The following KIAA1958 variants were observed in gnomAD, a reference collection of about 807,000 sequenced individuals.
The protein encoded by KIAA1958 is KIAA1958, also known as uncharacterized protein KIAA1958.
Under a neutral mutation model 47.2 loss-of-function variants are expected in KIAA1958, and 14 were observed. That is an observed-to-expected ratio of 0.30 (90% confidence interval 0.20 to 0.46). The LOEUF (loss-of-function observed/expected upper bound fraction) is 0.46, where lower values mean the gene tolerates loss of function less well. KIAA1958 is among the 20% of genes least tolerant of loss of function. KIAA1958 has a pLI of 1.00. For synonymous variants in KIAA1958, 354 were observed against 353.3 expected (o/e 1.00, Z -0.02); for missense variants, 803 against 909.2 (o/e 0.88, Z 1.50).
intron 1 of KIAA1958, among the ~76,000 whole-genome samples, chr9:112,519,727 T>C (rs7022034): frequency 0.95 from 144,878 of 152,314 alleles, 68,962 homozygotes; most frequent in South Asian, 0.98. Context: ...CAGATACATA[T>C]GATTGCTGCA....
At chr9:112,624,470 A>T (rs1285372523) in intron 2 of KIAA1958, among the ~76,000 whole-genome samples, 1 of 152,206 alleles carries the variant, frequency 6.6e-6, no homozygotes, top group Non-Finnish European at 1.5e-5. Flanking sequence ...ATAGAACTGG[A>T]ATAAAGAAAT....
rs561504834 is a variant in KIAA1958 at position 112,604,278 on chromosome 9, C to T, written c.1171+29027C>T. ...TACAGAAAAGCTGTCTGGATAAAAA[C>T]TTAACTCAGGCTATCCTGAGCCAGT... On this transcript the variant is annotated intron_variant, in intron 2 of 3. Transcript: ENST00000337530. Among the ~76,000 whole-genome samples the T allele has an allele frequency of 1.3e-3, 202 of 152,296 alleles. 1 individual carries two copies. Among genetic ancestry groups the T allele is most frequent in the Non-Finnish European group, 2.7e-3 (186 of 68,020 alleles).
chr9:112,543,567 C>CTTTTTTTTTTTTTT (rs138422704), intron 1 of KIAA1958, among the ~76,000 whole-genome samples: 16 of 108,176 alleles, frequency 1.5e-4, no homozygotes, highest in African/African-American at 5.7e-4. Flanking sequence ...TTCTGAGCTT[C>CTTTTTTTTTTTTTT]TTTTTTTTTT....
intron 2 of KIAA1958, among the ~76,000 whole-genome samples, chr9:112,584,587 C>T (rs1051502887): frequency 2.6e-5 from 4 of 152,130 alleles, no homozygotes; most frequent in Admixed American, 2.0e-4. Flanking sequence ...TATGGGTTTT[C>T]TCCTTATGAT....
rs764920216 is a variant in KIAA1958 at position 112,659,880 on chromosome 9, G to T, written c.1962G>T (p.Leu654=). The T allele has an allele frequency of 7.4e-6, 12 of 1,614,130 alleles. No individual in the cohort carries two copies. Among genetic ancestry groups the T allele is most frequent in the Middle Eastern group, 3.3e-4 (2 of 6,062 alleles). Residue 654 remains leucine, a synonymous_variant, in exon 4 of 4, where the codon CTG becomes CTT. Transcript: ENST00000337530. ...TGGAGGCCAAGTCCCCCTTCTACCT[G>T]ACTGCCAGGAAGGAGGCCACAGACA... ...TQMEAKSPFY[L]TARKEATDMG...
chr9:112,494,554 A>G (rs1834020809), intron 1 of KIAA1958, among the ~76,000 whole-genome samples: 1 of 151,356 alleles, frequency 6.6e-6, no homozygotes, highest in South Asian at 2.1e-4. Flanking sequence ...CAGCAGTGTC[A>G]ACGTCTCTGG....
intron 1 of KIAA1958, among the ~76,000 whole-genome samples, chr9:112,520,492 A>G (rs1164875302): frequency 6.6e-6 from 1 of 152,212 alleles, no homozygotes; most frequent in Non-Finnish European, 1.5e-5. Context: ...GAGCTGTGGT[A>G]TTCTGTATAA....
chr9:112,607,279 C>T (rs1335230649), intron 2 of KIAA1958, among the ~76,000 whole-genome samples: 3 of 151,836 alleles, frequency 2.0e-5, no homozygotes, highest in African/African-American at 2.4e-5. Context: ...ATCGCTTGAA[C>T]CCAGGATAGC....
intron 1 of KIAA1958, among the ~76,000 whole-genome samples, chr9:112,502,003 T>A (rs1834150119): frequency 6.6e-6 from 1 of 152,150 alleles, no homozygotes; most frequent in African/African-American, 2.4e-5. Context: ...TCCATGATAA[T>A]CACACACAAA....
chr9:112,594,520 T>G (rs1029355015), intron 2 of KIAA1958, among the ~76,000 whole-genome samples: 2 of 152,250 alleles, frequency 1.3e-5, no homozygotes, highest in African/African-American at 2.4e-5. Context: ...TAGCATAATG[T>G]TTCAAGATAT....
chr9:112,563,253 T>A (rs2131161613), intron 1 of KIAA1958, among the ~76,000 whole-genome samples: 1 of 152,172 alleles, frequency 6.6e-6, no homozygotes, highest in East Asian at 1.9e-4. Context: ...AAGTCTGAAG[T>A]CTTTAACGTG....
intron 2 of KIAA1958, among the ~76,000 whole-genome samples, chr9:112,606,900 G>A (rs1434377687): frequency 6.6e-6 from 1 of 152,164 alleles, no homozygotes; most frequent in Non-Finnish European, 1.5e-5. Flanking sequence ...TCAGAATTCT[G>A]GCTTTGAGAA....
At chr9:112,602,769 C>A (rs115503546) in intron 2 of KIAA1958, among the ~76,000 whole-genome samples, 2,597 of 152,224 alleles carry the variant, frequency 0.017, 67 homozygotes, top group African/African-American at 0.058. Flanking sequence ...CACCACCTTC[C>A]CTGACTCTCT....
At chr9:112,636,670 G>T (rs1054655647) in intron 2 of KIAA1958, among the ~76,000 whole-genome samples, 1 of 152,032 alleles carries the variant, frequency 6.6e-6, no homozygotes, top group Non-Finnish European at 1.5e-5. Context: ...TTGTCTGTTA[G>T]TATATAGGTA....
At chr9:112,597,707 G>A in intron 2 of KIAA1958, among the ~76,000 whole-genome samples, 1 of 152,168 alleles carries the variant, frequency 6.6e-6, no homozygotes, top group South Asian at 2.1e-4. Context: ...TTAAAACAAT[G>A]CCTACCATGT....
chr9:112,510,602 T>A (rs1834310790), intron 1 of KIAA1958, among the ~76,000 whole-genome samples: 1 of 152,210 alleles, frequency 6.6e-6, no homozygotes. Flanking sequence ...CTGTCTCTTC[T>A]GTTTTCATTA....
At chr9:112,644,685 G>A (rs1836947894) in intron 2 of KIAA1958, among the ~76,000 whole-genome samples, 1 of 152,136 alleles carries the variant, frequency 6.6e-6, no homozygotes, top group South Asian at 2.1e-4. Flanking sequence ...CCTTTCCTCT[G>A]AGGAGATGTG....
intron 1 of KIAA1958, among the ~76,000 whole-genome samples, chr9:112,507,676 A>G (rs936652316): frequency 6.6e-6 from 1 of 152,102 alleles, no homozygotes. Flanking sequence ...TCGAATGGGA[A>G]TTTTTGTTTT....
At chr9:112,642,135 A>G (rs1046412318) in intron 2 of KIAA1958, among the ~76,000 whole-genome samples, 24 of 152,162 alleles carry the variant, frequency 1.6e-4, no homozygotes, top group East Asian at 1.9e-4. Context: ...TTCCTTAGCT[A>G]TTGCTAAAGG....
Sources: allele counts gnomAD v4.1 joint callset (sites outside exome capture counted in the v4.1 genomes callset), GRCh38; gene constraint gnomAD v4.1.1; transcripts MANE v1.5; gene names NCBI Gene and HGNC (gene_info 2026-07-23, HGNC 2026-07-21).